SEPTIN9: variants seen among roughly 807,000 people sequenced by gnomAD.
SEPTIN9 encodes septin-9.
SEPTIN9 carries 13 observed loss-of-function variants against 56.6 expected under a neutral mutation model. The observed-to-expected ratio is 0.23, with a 90% CI of 0.15 to 0.37. SEPTIN9 has a LOEUF of 0.37. SEPTIN9 is among the 10% of genes least tolerant of loss of function. SEPTIN9 has a pLI of 1.00. For synonymous variants in SEPTIN9, 332 were observed against 334.1 expected (o/e 0.99, Z 0.07); for missense variants, 650 against 823.1 (o/e 0.79, Z 2.57).
At chr17:77,419,532 C>T (rs1242304833) in intron 3 of SEPTIN9, among the ~76,000 whole-genome samples, 3 of 152,208 alleles carry the variant, frequency 2.0e-5, no homozygotes, top group Non-Finnish European at 2.9e-5. Context: ...CCAGCTGACC[C>T]CTCCCCCTTC....
intron 3 of SEPTIN9, among the ~76,000 whole-genome samples, chr17:77,422,189 C>T (rs1568056608): frequency 6.6e-6 from 1 of 152,216 alleles, no homozygotes; most frequent in Admixed American, 6.5e-5. Flanking sequence ...CTGGCCCTTC[C>T]CAGGTGCAGG....
At chr17:77,361,751 G>T (rs1028363110) in intron 2 of SEPTIN9, among the ~76,000 whole-genome samples, 1 of 152,060 alleles carries the variant, frequency 6.6e-6, no homozygotes, top group African/African-American at 2.4e-5. Context: ...TCCCGCCTCA[G>T]CCTCCGGAGT....
In SEPTIN9 at chr17:77,447,483, G is replaced by A. The variant is rs2037785716; in HGVS notation, c.722-34661G>A. Among the ~76,000 whole-genome samples, 3 of 152,388 alleles carry A rather than the reference G, an allele frequency of 2.0e-5. No individual in the cohort carries two copies. The South Asian group carries it at 6.2e-4, about 32-fold the overall frequency. On this transcript the variant is annotated intron_variant, in intron 3 of 11. Transcript: ENST00000427177. ...CAGATCCCATGGCCTGTGGCGGGCTGCCTTTGAGTCCTGAGCACCTGTGAG... is the reference window on the plus strand; with the variant it reads ...CAGATCCCATGGCCTGTGGCGGGCTACCTTTGAGTCCTGAGCACCTGTGAG...
rs1014107536 is a variant in SEPTIN9 at position 77,371,929 on chromosome 17, G to A, written c.77-30130G>A. 6.6e-6 allele frequency among the ~76,000 whole-genome samples: 1 copy of A among 152,094 alleles called. No homozygotes were observed. Among genetic ancestry groups the A allele is most frequent in the Non-Finnish European group, 1.5e-5 (1 of 68,012 alleles). Reference sequence around the variant, plus strand: ...GCCACCCAAACCTAGAACATTTTCCGCAAGAGACCCCCTGCCCCCCGCCTC... The same window carrying A: ...GCCACCCAAACCTAGAACATTTTCCACAAGAGACCCCCTGCCCCCCGCCTC... On this transcript the variant is annotated intron_variant, in intron 2 of 11. Coordinates refer to ENST00000427177, the MANE Select transcript of SEPTIN9 (RefSeq NM_001113491.2). This position sits in a 1 kb window ranked among gnomAD's most constrained non-coding sequence, Gnocchi z 4.1.
At chr17:77,328,409 A>G (rs541266803) in intron 2 of SEPTIN9, among the ~76,000 whole-genome samples, 3 of 152,356 alleles carry the variant, frequency 2.0e-5, no homozygotes, top group South Asian at 4.1e-4. Context: ...TCCGTCACCC[A>G]GGCTGGAGTG....
chr17:77,477,646 T>A (rs1191093443), intron 3 of SEPTIN9, among the ~76,000 whole-genome samples: 1 of 152,118 alleles, frequency 6.6e-6, no homozygotes, highest in Non-Finnish European at 1.5e-5. Context: ...ACCCAGGAGC[T>A]CGCAGAGCAG....
In SEPTIN9 at chr17:77,436,119, C is replaced by A. The variant is rs1461403020; in HGVS notation, c.721+33416C>A. Among the ~76,000 whole-genome samples the A allele has an allele frequency of 6.6e-6, 1 of 152,192 alleles. No individual in the cohort carries two copies. Among genetic ancestry groups the A allele is most frequent in the East Asian group, 1.9e-4 (1 of 5,190 alleles). ...TGAGCTCGGCGGCTGCCTTTCCACC[C>A]TGCGGGCCTGGTTGGGGAGTGTGAG... On this transcript the variant is annotated intron_variant, in intron 3 of 11. Coordinates refer to ENST00000427177, the MANE Select transcript of SEPTIN9 (RefSeq NM_001113491.2). This position sits in a 1 kb window ranked among gnomAD's most constrained non-coding sequence, Gnocchi z 4.4.
intron 2 of SEPTIN9, among the ~76,000 whole-genome samples, chr17:77,315,025 G>A (rs922645766): frequency 6.6e-6 from 1 of 152,212 alleles, no homozygotes; most frequent in Non-Finnish European, 1.5e-5. Context: ...CAGGTGATCC[G>A]CACCTTTCAC....
chr17:77,470,032 C>G (rs530052608), intron 3 of SEPTIN9, among the ~76,000 whole-genome samples: 1 of 150,262 alleles, frequency 6.7e-6, no homozygotes, highest in Non-Finnish European at 1.5e-5. Flanking sequence ...TCCACCTATC[C>G]ACTCATTCAC....
chr17:77,437,813 T>C lies in SEPTIN9; in HGVS notation c.721+35110T>C, dbSNP rs2037398111. Among the ~76,000 whole-genome samples the C allele has an allele frequency of 6.6e-6, 1 of 152,224 alleles. No individual in the cohort carries two copies. The highest frequency in any genetic ancestry group is 1.5e-5 in the Non-Finnish European group (1 of 68,040). On this transcript the variant is annotated intron_variant, in intron 3 of 11. Transcript: ENST00000427177. The surrounding 1 kb of genome is among the most constrained non-coding windows in gnomAD (Gnocchi z 5.3). Reference sequence around the variant, plus strand: ...CCAACCCCTTTCGGGTACATTCTCCTGTAGCCCCACTCCCTGTAAGAAAGT... The same window carrying C: ...CCAACCCCTTTCGGGTACATTCTCCCGTAGCCCCACTCCCTGTAAGAAAGT...
At chr17:77,387,293 C>T (rs762264852) in intron 2 of SEPTIN9, among the ~76,000 whole-genome samples, 1 of 152,238 alleles carries the variant, frequency 6.6e-6, no homozygotes, top group Admixed American at 6.5e-5. Flanking sequence ...CCACTCCCTG[C>T]TCCGTCTTCA....
At chr17:77,470,330 C>A (rs2038935278) in intron 3 of SEPTIN9, among the ~76,000 whole-genome samples, 1 of 151,510 alleles carries the variant, frequency 6.6e-6, no homozygotes, top group Non-Finnish European at 1.5e-5. Flanking sequence ...ATCTACCCAT[C>A]CTCTCATCTA....
At chr17:77,328,549 AG>A (rs1358124283) in intron 2 of SEPTIN9, among the ~76,000 whole-genome samples, 1 of 152,088 alleles carries the variant, frequency 6.6e-6, no homozygotes, top group Non-Finnish European at 1.5e-5. Context: ...TATTTTTAGT[AG>A]AGATGGGGTT....
At chr17:77,408,200 C>T (rs2036160633) in intron 3 of SEPTIN9, among the ~76,000 whole-genome samples, 1 of 152,212 alleles carries the variant, frequency 6.6e-6, no homozygotes, top group African/African-American at 2.4e-5. Context: ...TTCCACCCCT[C>T]CCAGCCTCAA....
chr17:77,309,627 C>T (rs971449786), intron 2 of SEPTIN9, among the ~76,000 whole-genome samples: 6 of 152,120 alleles, frequency 3.9e-5, no homozygotes, highest in African/African-American at 9.7e-5. Flanking sequence ...CCCAGAAGGA[C>T]GAAGGCTCTT....
chr17:77,475,968 A>G lies in SEPTIN9; in HGVS notation c.722-6176A>G. On this transcript the variant is annotated intron_variant, in intron 3 of 11. Coordinates refer to ENST00000427177, the MANE Select transcript of SEPTIN9 (RefSeq NM_001113491.2). This position sits in a 1 kb window ranked among gnomAD's most constrained non-coding sequence, Gnocchi z 4.6. ...GCCAGGTGTGGGTTGGGTTTGGGGA[A>G]GACAGGGGAATGGCATTGACTTGAC... 1 of 1,526,830 alleles carries G rather than the reference A, an allele frequency of 6.5e-7. No individual in the cohort carries two copies. The highest frequency in any genetic ancestry group is 8.9e-7 in the Non-Finnish European group (1 of 1,120,292). The allele number at this position is 1,526,830 out of a possible 1,614,324, so 94.6% of individuals were successfully genotyped here.
At chr17:77,382,777 A>C (rs1297260463) in intron 2 of SEPTIN9, among the ~76,000 whole-genome samples, 1 of 152,130 alleles carries the variant, frequency 6.6e-6, no homozygotes, top group East Asian at 1.9e-4. Context: ...GAGATCCTTC[A>C]TTCGCACCTT....
chr17:77,313,652 T>C lies in SEPTIN9; in HGVS notation c.76+6455T>C, dbSNP rs1315529044. Among the ~76,000 whole-genome samples the C allele has an allele frequency of 6.6e-6, 1 of 152,066 alleles. No homozygotes were observed. Among genetic ancestry groups the C allele is most frequent in the Non-Finnish European group, 1.5e-5 (1 of 68,010 alleles). On this transcript the variant is annotated intron_variant, in intron 2 of 11. Transcript: ENST00000427177. This position sits in a 1 kb window ranked among gnomAD's most constrained non-coding sequence, Gnocchi z 4.5. The stretch of plus-strand genomic sequence containing the variant: ...AGCAGGAGGGAGTCCAGGACGGAGC[T>C]CCTTCATTTTTAATTCAGGGAAGCA...
intron 3 of SEPTIN9, among the ~76,000 whole-genome samples, chr17:77,460,277 G>A (rs992350609): frequency 5.3e-5 from 8 of 152,078 alleles, no homozygotes; most frequent in Admixed American, 2.0e-4. Flanking sequence ...CTGGTCCCCC[G>A]AGGGGCCCTG....
Sources: gnomAD v4.1 joint callset for allele counts (sites outside exome capture counted in the v4.1 genomes callset) on GRCh38, gnomAD v4.1.1 for gene constraint, Gnocchi (gnomAD v3.1) non-coding constraint, MANE v1.5 for transcripts, NCBI Gene and HGNC (gene_info 2026-07-23, HGNC 2026-07-21) for gene names.